Variants in TECR observed in about 807,000 individuals in gnomAD.
The protein encoded by TECR is very-long-chain enoyl-CoA reductase.
TECR carries 19 observed loss-of-function variants against 50.6 expected under a neutral mutation model. The observed-to-expected ratio is 0.38, with a 90% CI of 0.26 to 0.55. The LOEUF (loss-of-function observed/expected upper bound fraction) is 0.55. Among genes scored for constraint, TECR ranks in the 20% least tolerant of loss-of-function variants. TECR has a pLI of 0.79. For missense variants in TECR, 313 were observed against 408.3 expected (o/e 0.77, Z 2.01); for synonymous variants, 168 against 163.5 (o/e 1.03, Z -0.21).
upstream of TECR, chr19:14,529,572 G>A (rs772272016): frequency 2.0e-6 from 3 of 1,468,482 alleles, no homozygotes; most frequent in Non-Finnish European, 2.9e-6. Context: ...GGCCTGGAGG[G>A]GCGGGGCGGA....
At position 14,542,347 on chromosome 19, in the gene TECR, GTTTTTTTTTTTTTTTT is replaced by G. The variant is rs71166754; in HGVS notation, c.15+12650_15+12665del. 5.3e-4 allele frequency among the ~76,000 whole-genome samples: 23 copies of G among 43,300 alleles called. 1 individual carries two copies. Among genetic ancestry groups the G allele is most frequent in the Non-Finnish European group, 7.9e-4 (18 of 22,812 alleles). 28.4% of individuals were successfully genotyped at this position (43,300 alleles called of 152,430 possible). A position where few individuals can be genotyped will look rare whatever the true frequency, so the allele number is the denominator to read the frequency against. ...CCTCAGGGGGCCCTCATGCCATAGT[GTTTTTTTTTTTTTTTT>G]TTTTTTTTTTTTTCTGAGATGGAGT... On this transcript the variant is annotated intron_variant, in intron 1 of 12. Coordinates refer to ENST00000215567, the MANE Select transcript of TECR (RefSeq NM_138501.6).
Position 14,564,932 on chromosome 19 carries a change from C to G in TECR, c.563-17C>G. ...GGGTCCTCCCCTCATGGGCTCCCCT[C>G]CCTGCTTCCTCTTCAGCCTACGGAG... On this transcript the variant is annotated splice_polypyrimidine_tract_variant and intron_variant, in intron 8 of 12. Coordinates refer to ENST00000215567, the MANE Select transcript of TECR (RefSeq NM_138501.6). 6.2e-7 allele frequency: 1 copy of G among 1,614,130 alleles called. No individual in the cohort carries two copies. The highest frequency in any genetic ancestry group is 8.5e-7 in the Non-Finnish European group (1 of 1,180,044).
At chr19:14,555,729 C>A (rs189751920) in intron 1 of TECR, among the ~76,000 whole-genome samples, 22 of 152,268 alleles carry the variant, frequency 1.4e-4, no homozygotes, top group Non-Finnish European at 2.8e-4. Context: ...GTGTGAGTCA[C>A]CATGCGTGGA....
At position 14,565,931 on chromosome 19, in the gene TECR, G is replaced by T. The variant is rs1313414063; in HGVS notation, c.*60G>T. The T allele has an allele frequency of 1.3e-6, 2 of 1,542,900 alleles. No homozygotes were observed. Among genetic ancestry groups the T allele is most frequent in the Admixed American group, 3.9e-5 (2 of 51,794 alleles). On this transcript the variant is annotated 3_prime_UTR_variant, in exon 13 of 13. Coordinates refer to ENST00000215567, the MANE Select transcript of TECR (RefSeq NM_138501.6). Reference sequence around the variant, plus strand: ...CGGTGGCATTCTGGGGGAGGAGTGGGGCCCACAGCTCTCCAGCACCCGGAA... The same window carrying T: ...CGGTGGCATTCTGGGGGAGGAGTGGTGCCCACAGCTCTCCAGCACCCGGAA...
intron 1 of TECR, chr19:14,562,051 G>T (rs1421582650): frequency 2.9e-6 from 1 of 348,460 alleles, no homozygotes; most frequent in Non-Finnish European, 5.3e-6. Flanking sequence ...GGGTTTTGAG[G>T]TGACCACTCA....
rs567763848 is a variant in TECR, at chr19:14,561,459, G to A, written c.16-1066G>A. Among the ~76,000 whole-genome samples the A allele has an allele frequency of 9.2e-5, 14 of 152,204 alleles. No homozygotes were observed. In the East Asian group the frequency reaches 2.1e-3, roughly 23 times the overall value. ...AGCCCTGCCCCTCTGCACCCCCATC[G>A]TTCATCACTGGCCTGGGGGCTCAGG... is the stretch of plus-strand genomic sequence containing the variant. On this transcript the variant is annotated intron_variant, in intron 1 of 12. Transcript: ENST00000215567.
chr19:14,563,926 G>T lies in TECR; in HGVS notation c.267+23G>T, dbSNP rs1475970193. On this transcript the variant is annotated intron_variant, in intron 5 of 12. Coordinates refer to ENST00000215567, the MANE Select transcript of TECR (RefSeq NM_138501.6). The surrounding 1 kb of genome is among the most constrained non-coding windows in gnomAD (Gnocchi z 5.3). ...ACGGTGAGTCCTGACCCTACCCACG[G>T]CCTCTTTTCCCGTCAGCCACGTTGG... 1 of 1,613,866 alleles carries T rather than the reference G, an allele frequency of 6.2e-7. No individual in the cohort carries two copies. The highest frequency in any genetic ancestry group is 8.5e-7 in the Non-Finnish European group (1 of 1,179,926).
chr19:14,543,419 ATTTTTTTTTTTTTTTTTTTT>A lies in TECR; in HGVS notation c.15+13726_15+13745del, dbSNP rs1169742953. ...TATATATATATATATATATATATAT[ATTTTTTTTTTTTTTTTTTTT>A]TTTTTTTTTTTTTTTTTGAGACGGA... On this transcript the variant is annotated intron_variant, in intron 1 of 12. Transcript: ENST00000215567. Among the ~76,000 whole-genome samples, 150 of 21,854 alleles carry A rather than the reference ATTTTTTTTTTTTTTTTTTTT, an allele frequency of 6.9e-3. 2 individuals are homozygous for A. Among genetic ancestry groups the A allele is most frequent in the African/African-American group, 8.3e-3 (34 of 4,084 alleles). The allele number at this position is 21,854 out of a possible 152,430, so 14.3% of individuals were successfully genotyped here.
Position 14,565,938 on chromosome 19 carries a change from A to G in TECR, c.*67A>G, listed in dbSNP as rs1353715407. On this transcript the variant is annotated 3_prime_UTR_variant, in exon 13 of 13. Coordinates refer to ENST00000215567, the MANE Select transcript of TECR (RefSeq NM_138501.6). ...ATTCTGGGGGAGGAGTGGGGCCCAC[A>G]GCTCTCCAGCACCCGGAATAAAGCC... 6.5e-7 allele frequency: 1 copy of G among 1,541,904 alleles called. No individual in the cohort carries two copies. The highest frequency in any genetic ancestry group is 1.9e-5 in the Admixed American group (1 of 51,768).
intron 1 of TECR, among the ~76,000 whole-genome samples, chr19:14,533,681 A>G (rs2072757288): frequency 6.6e-6 from 1 of 150,820 alleles, no homozygotes; most frequent in African/African-American, 2.4e-5. Context: ...TTTCCATAGT[A>G]GCCTCATATC....
intron 1 of TECR, among the ~76,000 whole-genome samples, chr19:14,561,196 C>T (rs1352986633): frequency 6.6e-6 from 1 of 152,148 alleles, no homozygotes; most frequent in Non-Finnish European, 1.5e-5. Context: ...GTGGGTGGGC[C>T]TGCCCTGGGA....
At chr19:14,562,916 G>A (rs1403207402) in intron 2 of TECR, among the ~76,000 whole-genome samples, 1 of 152,110 alleles carries the variant, frequency 6.6e-6, no homozygotes, top group Non-Finnish European at 1.5e-5. Context: ...GGTGAGAAGT[G>A]GAGAGGAGGG....
At chr19:14,535,792 C>G (rs889998085) in intron 1 of TECR, among the ~76,000 whole-genome samples, 5 of 141,172 alleles carry the variant, frequency 3.5e-5, no homozygotes, top group African/African-American at 1.3e-4. Context: ...AAGTGGTGAG[C>G]CTTGAGCTGT....
chr19:14,565,315 T>C (rs1451573577), intron 11 of TECR, 25 bp downstream of exon 11: 1 of 1,611,382 alleles, frequency 6.2e-7, no homozygotes, highest in Non-Finnish European at 8.5e-7. Flanking sequence ...TACCCCTCTC[T>C]GCCCTGGGAC....
Position 14,565,107 on chromosome 19 carries a change from G to A in TECR, c.648G>A (p.Arg216=), listed in dbSNP as rs2074036206. The change falls in exon 10 of 13, where the codon CGG becomes CGA. Residue 216 remains arginine, a synonymous_variant. Coordinates refer to ENST00000215567, the MANE Select transcript of TECR (RefSeq NM_138501.6). ...ACTTCTCCATCCACATGGCCCTGCG[G>A]GACCTGCGGCCCGCTGGTGAGTGCC... ...LGNFSIHMAL[R]DLRPAGSKTR... 6.2e-7 allele frequency: 1 copy of A among 1,613,846 alleles called. No individual in the cohort carries two copies. The highest frequency in any genetic ancestry group is 8.5e-7 in the Non-Finnish European group (1 of 1,180,036).
At chr19:14,555,977 G>A (rs1452395335) in intron 1 of TECR, among the ~76,000 whole-genome samples, 1 of 152,090 alleles carries the variant, frequency 6.6e-6, no homozygotes, top group Admixed American at 6.6e-5. Context: ...AGCAGGTAAA[G>A]CTGGGGAAGC....
chr19:14,558,494 G>A (rs1407466880), intron 1 of TECR, among the ~76,000 whole-genome samples: 1 of 152,164 alleles, frequency 6.6e-6, no homozygotes, highest in East Asian at 1.9e-4. Flanking sequence ...AGTTGCTGTT[G>A]GCTGGGCCCC....
intron 1 of TECR, among the ~76,000 whole-genome samples, chr19:14,550,594 G>C (rs1484496101): frequency 6.6e-6 from 1 of 152,132 alleles, no homozygotes; most frequent in African/African-American, 2.4e-5. Flanking sequence ...ACCATCCCCT[G>C]GGGGTCTGGG....
At chr19:14,536,286 G>A (rs1165427294) in intron 1 of TECR, among the ~76,000 whole-genome samples, 2 of 130,794 alleles carry the variant, frequency 1.5e-5, no homozygotes, top group Non-Finnish European at 3.2e-5. Context: ...TTTTTTTTTC[G>A]TGAGACAGAG....
Sources: gnomAD v4.1 joint callset for allele counts (sites outside exome capture counted in the v4.1 genomes callset) on GRCh38, gnomAD v4.1.1 for gene constraint, Gnocchi (gnomAD v3.1) non-coding constraint, MANE v1.5 for transcripts, NCBI Gene and HGNC (gene_info 2026-07-23, HGNC 2026-07-21) for gene names.